Variants in CEP43 observed in about 807,000 individuals in gnomAD.
The protein encoded by CEP43 is centrosomal protein 43, also known as FGFR1 oncogene partner.
A neutral mutation model predicts 52.6 loss-of-function variants in CEP43; 36 were observed. The observed-to-expected ratio is 0.68, with a 90% CI of 0.52 to 0.90. The LOEUF is 0.90. Ranked by LOEUF, CEP43 falls within the 40% of genes least tolerant of loss-of-function variation. The pLI, the probability that CEP43 is intolerant of heterozygous loss-of-function variation, is 0.00. For synonymous variants in CEP43, 192 were observed against 172.4 expected (o/e 1.11, Z -0.89); for missense variants, 506 against 472.8 (o/e 1.07, Z -0.65).
rs536560813 is a variant in CEP43, at chr6:167,009,389, A to G, written c.439-1424A>G. Among the ~76,000 whole-genome samples, 5 of 150,518 alleles carry G rather than the reference A, an allele frequency of 3.3e-5. No homozygotes were observed. In the Admixed American group the frequency reaches 3.3e-4, roughly 10 times the overall value. On this transcript the variant is annotated intron_variant, in intron 5 of 12. Transcript: ENST00000366847. ...GCTGGGCATGGTGGTGTGCACCTGT[A>G]GTCCCAGCTACTCGGGAGGGCGAGG...
chr6:167,003,280 C>G (rs766793612), intron 3 of CEP43, 33 bp downstream of exon 3: 1 of 1,282,830 alleles, frequency 7.8e-7, no homozygotes, highest in African/African-American at 1.5e-5. Context: ...GTTTATCTAT[C>G]TCTGAATTTT....
chr6:167,027,959 T>C, intron 10 of CEP43: 1 of 986,112 alleles, frequency 1.0e-6, no homozygotes, highest in Non-Finnish European at 1.2e-6. Flanking sequence ...TGCCATCTGC[T>C]CTTTGTGCGT....
At chr6:167,015,239 C>G (rs1780068158) in intron 7 of CEP43, among the ~76,000 whole-genome samples, 1 of 152,170 alleles carries the variant, frequency 6.6e-6, no homozygotes, top group African/African-American at 2.4e-5. Context: ...CAGGATGCTT[C>G]CTCAATTACT....
rs893912050 is a variant in CEP43 at position 167,023,325 on chromosome 6, A to G, written c.806+690A>G. Among the ~76,000 whole-genome samples, 8 of 152,208 alleles carry G rather than the reference A, an allele frequency of 5.3e-5. No individual in the cohort carries two copies. The East Asian group carries it at 1.3e-3, about 26-fold the overall frequency. Reference sequence around the variant, plus strand: ...GGGGAAGGTTGGTCTTAGAGTTTCCAGTTAGGAGGCCGTTAATGATGGAAA... The same window carrying G: ...GGGGAAGGTTGGTCTTAGAGTTTCCGGTTAGGAGGCCGTTAATGATGGAAA... On this transcript the variant is annotated intron_variant, in intron 8 of 12. Transcript: ENST00000366847.
Position 167,035,892 on chromosome 6 carries a change from GTC to G in CEP43, c.1125+1924_1125+1925del, listed in dbSNP as rs1366941424. Among the ~76,000 whole-genome samples, 6 of 152,290 alleles carry G rather than the reference GTC, an allele frequency of 3.9e-5. No individual in the cohort carries two copies. The East Asian group carries it at 5.8e-4, about 15-fold the overall frequency. On this transcript the variant is annotated intron_variant, in intron 12 of 12. Coordinates refer to ENST00000366847, the MANE Select transcript of CEP43 (RefSeq NM_007045.4). The stretch of plus-strand genomic sequence containing the variant: ...AGTTATTTAACTTTTGGGGCCTTGG[GTC>G]TCACATCTATTTTGCAAGAGAGATG...
At chr6:167,037,292 G>A (rs937004234) in intron 12 of CEP43, among the ~76,000 whole-genome samples, 4 of 152,122 alleles carry the variant, frequency 2.6e-5, no homozygotes, top group Non-Finnish European at 4.4e-5. Context: ...GATTAAGATC[G>A]TTTTCAGTCC....
At chr6:167,039,642 C>T (rs1309479920) in intron 12 of CEP43, among the ~76,000 whole-genome samples, 2 of 152,170 alleles carry the variant, frequency 1.3e-5, no homozygotes, top group African/African-American at 2.4e-5. Context: ...GTGGATCAAA[C>T]AGTAGTTCTA....
At position 167,044,643 on chromosome 6, in the gene CEP43, GCTGCC is replaced by G; in HGVS notation, c.*4668_*4672del. 1 of 789,760 alleles carries G rather than the reference GCTGCC, an allele frequency of 1.3e-6. No homozygotes were observed. The highest frequency in any genetic ancestry group is 1.5e-6 in the Non-Finnish European group (1 of 651,286). 48.9% of individuals were successfully genotyped at this position (789,760 alleles called of 1,614,324 possible). A position where few individuals can be genotyped will look rare whatever the true frequency, so the allele number is the denominator to read the frequency against. ...ATACATGTTTTTAAAAATGAATCTT[GCTGCC>G]CTTAGAAAATGAACCCCCGAACAAG... On this transcript the variant is annotated 3_prime_UTR_variant, in exon 13 of 13. Coordinates refer to ENST00000366847, the MANE Select transcript of CEP43 (RefSeq NM_007045.4).
At position 167,042,257 on chromosome 6, in the gene CEP43, ATGAG is replaced by A. The variant is rs1639413758; in HGVS notation, c.*2282_*2285del. 2.0e-6 allele frequency: 2 copies of A among 1,005,914 alleles called. No individual in the cohort carries two copies. Among genetic ancestry groups the A allele is most frequent in the East Asian group, 7.3e-5 (1 of 13,752 alleles). 62.3% of individuals were successfully genotyped at this position (1,005,914 alleles called of 1,614,324 possible). ...TGTGAAGTGACAGGTTTTGCATGTG[ATGAG>A]TGTTTTCTGTTAAAAAATAAATATT... On this transcript the variant is annotated 3_prime_UTR_variant, in exon 13 of 13. Transcript: ENST00000366847.
rs1780717626 is a variant in CEP43, at chr6:167,042,338, G to A, written c.*2360G>A. On this transcript the variant is annotated 3_prime_UTR_variant, in exon 13 of 13. Coordinates refer to ENST00000366847, the MANE Select transcript of CEP43 (RefSeq NM_007045.4). The stretch of plus-strand genomic sequence containing the variant: ...TTATGGTAACCTATGTTTTACAGTG[G>A]AGTTTTAAAAATGCTAGGTCTTTCT... 1.0e-6 allele frequency: 1 copy of A among 979,120 alleles called. No homozygotes were observed. The highest frequency in any genetic ancestry group is 1.2e-6 in the Non-Finnish European group (1 of 817,550). 60.7% of individuals were successfully genotyped at this position (979,120 alleles called of 1,614,324 possible).
rs78810008 is a variant in CEP43, at chr6:167,005,336, C to T, written c.438+935C>T. The stretch of plus-strand genomic sequence containing the variant: ...GCAGAGCTATTTAAGATAAAATGTG[C>T]TCAAATAAGGAAATTAACATTTAAA... On this transcript the variant is annotated intron_variant, in intron 5 of 12. Coordinates refer to ENST00000366847, the MANE Select transcript of CEP43 (RefSeq NM_007045.4). Among the ~76,000 whole-genome samples, 752 of 152,242 alleles carry T rather than the reference C, an allele frequency of 4.9e-3. 26 individuals are homozygous for T. In the East Asian group the frequency reaches 0.091, roughly 18 times the overall value.
rs1251903959 is a variant in CEP43, at chr6:167,003,239, C to T, written c.203C>T (p.Thr68Ile). The T allele has an allele frequency of 6.7e-7, 1 of 1,485,538 alleles. No homozygotes were observed. 92.0% of individuals were successfully genotyped at this position (1,485,538 alleles called of 1,614,324 possible). A position where few individuals can be genotyped will look rare whatever the true frequency, so the allele number is the denominator to read the frequency against. Residue 68 changes from threonine (T) to isoleucine (I), a missense_variant, in exon 3 of 13, where the codon ACC becomes ATC. Physicochemically the swap from Thr to Ile is moderately conservative, Grantham distance 89. Transcript: ENST00000366847. ...GAGAGCCTGAAAAAGTTTTTAAATACCAAAGACGGTAAGATGTTCAGTTTG... is the reference window on the plus strand; with the variant it reads ...GAGAGCCTGAAAAAGTTTTTAAATATCAAAGACGGTAAGATGTTCAGTTTG... ...VNESLKKFLN[T>I]KDGRLVASLV...
At position 167,022,440 on chromosome 6, in the gene CEP43, C is replaced by T. The variant is rs61751042; in HGVS notation, c.611C>T (p.Thr204Ile). Residue 204 changes from threonine to isoleucine, a missense_variant, in exon 8 of 13, where the codon ACA becomes ATA. By Grantham distance (89) the Thr-to-Ile change is moderately conservative. Coordinates refer to ENST00000366847, the MANE Select transcript of CEP43 (RefSeq NM_007045.4). ...AATGATGAGGCCAATCAGAGTGATACAAGTGTCTCCTTGTCAGAACCCAAG... is the reference window on the plus strand; with the variant it reads ...AATGATGAGGCCAATCAGAGTGATATAAGTGTCTCCTTGTCAGAACCCAAG... ...KANDEANQSD[T>I]SVSLSEPKSK... The T allele has an allele frequency of 0.017, 27,806 of 1,613,844 alleles. 406 individuals are homozygous for T. Among genetic ancestry groups the T allele is most frequent in the East Asian group, 0.076 (3,423 of 44,856 alleles).
chr6:167,008,427 T>C (rs1218012941), intron 5 of CEP43, among the ~76,000 whole-genome samples: 1 of 152,152 alleles, frequency 6.6e-6, no homozygotes, highest in Admixed American at 6.6e-5. Context: ...ACAAGGGCTT[T>C]ATCTTCATAT....
At position 167,026,508 on chromosome 6, in the gene CEP43, C is replaced by T. The variant is rs751049665; in HGVS notation, c.920-39C>T. ...GATGTGGTTTAGAGACTGTTATATT[C>T]TAAGTCACTCTAATGTTAATATTTT... On this transcript the variant is annotated intron_variant, in intron 9 of 12. Transcript: ENST00000366847. 23 of 1,273,302 alleles carry T rather than the reference C, an allele frequency of 1.8e-5. No individual in the cohort carries two copies. The Admixed American group carries it at 3.2e-4, about 18-fold the overall frequency. 78.9% of individuals were successfully genotyped at this position (1,273,302 alleles called of 1,614,324 possible). A position where few individuals can be genotyped will look rare whatever the true frequency, so the allele number is the denominator to read the frequency against.
rs772679427 is a variant in CEP43 at position 167,041,841 on chromosome 6, G to T, written c.*1863G>T. 3 of 658,088 alleles carry T rather than the reference G, an allele frequency of 4.6e-6. No homozygotes were observed. Among genetic ancestry groups the T allele is most frequent in the African/African-American group, 4.0e-5 (2 of 49,946 alleles). The allele number at this position is 658,088 out of a possible 1,614,324, so 40.8% of individuals were successfully genotyped here. A position where few individuals can be genotyped will look rare whatever the true frequency, so the allele number is the denominator to read the frequency against. On this transcript the variant is annotated 3_prime_UTR_variant, in exon 13 of 13. Transcript: ENST00000366847. ...ACATCTTTTTTTTGCGGGGGGCGGG[G>T]GGGACAGAGTCTCACTGTGTCACTC...
intron 5 of CEP43, among the ~76,000 whole-genome samples, chr6:167,004,797 T>C (rs1779815051): frequency 6.6e-6 from 1 of 152,218 alleles, no homozygotes; most frequent in South Asian, 2.1e-4. Context: ...CTATTATTTT[T>C]ATTAAAACAT....
At position 166,999,443 on chromosome 6, in the gene CEP43, G is replaced by T; in HGVS notation, c.31G>T (p.Glu11Ter). The T allele has an allele frequency of 1.4e-6, 2 of 1,481,026 alleles. No individual in the cohort carries two copies. Among genetic ancestry groups the T allele is most frequent in the Middle Eastern group, 2.2e-4 (1 of 4,492 alleles). 91.7% of individuals were successfully genotyped at this position (1,481,026 alleles called of 1,614,324 possible). ...GGCGACGGCGGCCGCAGTGGTGGCC[G>T]AGGAGGACACGGAGCTGCGGGACCT... Reference protein sequence around the residue: MAATAAAVVAEEDTELRDLLV... With the variant: MAATAAAVVA The change falls in exon 1 of 13, where the codon GAG becomes TAG. Residue 11 changes from glutamate (E) to a stop codon, truncating the protein, a stop_gained. Coordinates refer to ENST00000366847, the MANE Select transcript of CEP43 (RefSeq NM_007045.4). LOFTEE classifies it high-confidence loss of function.
In CEP43 at chr6:167,040,149, C is replaced by T. The variant is rs1047965308; in HGVS notation, c.*171C>T. On this transcript the variant is annotated 3_prime_UTR_variant, in exon 13 of 13. Transcript: ENST00000366847. ...AATTTTCATTTTACTAAACAAAATA[C>T]TTCCTATTTGAGCCCATGTGTGGAA... is the stretch of plus-strand genomic sequence containing the variant. The T allele has an allele frequency of 7.1e-6, 11 of 1,541,324 alleles. No homozygotes were observed. Among genetic ancestry groups the T allele is most frequent in the Middle Eastern group, 1.8e-4 (1 of 5,710 alleles).
Sources: gnomAD v4.1 joint callset for allele counts (sites outside exome capture counted in the v4.1 genomes callset) on GRCh38, gnomAD v4.1.1 for gene constraint, MANE v1.5 for transcripts, NCBI Gene and HGNC (gene_info 2026-07-23, HGNC 2026-07-21) for gene names.